F11R: variants seen among roughly 807,000 people sequenced by gnomAD.
F11R encodes F11 receptor.
In F11R, 27 loss-of-function variants were observed where a neutral mutation model predicts 39.3. The ratio of observed to expected loss-of-function variants is 0.69; its 90% CI spans 0.51 to 0.95. The LOEUF (loss-of-function observed/expected upper bound fraction) is 0.95. F11R is among the 40% of genes least tolerant of loss of function. F11R has a pLI of 0.00. For synonymous variants in F11R, 131 were observed against 144.9 expected (o/e 0.90, Z 0.69); for missense variants, 335 against 372.7 (o/e 0.90, Z 0.83).
intron 1 of F11R, among the ~76,000 whole-genome samples, chr1:161,007,028 G>A (rs899084815): frequency 2.8e-4 from 43 of 152,224 alleles, no homozygotes; most frequent in African/African-American, 9.6e-4. Flanking sequence ...AAAATTAGCC[G>A]GGTGTGGTGG....
At chr1:161,014,565 A>G (rs886339083) in intron 1 of F11R, among the ~76,000 whole-genome samples, 1 of 152,244 alleles carries the variant, frequency 6.6e-6, no homozygotes, top group African/African-American at 2.4e-5. Context: ...TTAGCCAGGT[A>G]TGGCTCACCA....
At chr1:161,016,910 G>C (rs1449931693) in intron 1 of F11R, among the ~76,000 whole-genome samples, 2 of 152,176 alleles carry the variant, frequency 1.3e-5, no homozygotes, top group Admixed American at 6.5e-5. Flanking sequence ...ACTCCATTTT[G>C]TTCTGTACTA....
intron 1 of F11R, among the ~76,000 whole-genome samples, chr1:161,011,406 A>T (rs988083378): frequency 6.6e-6 from 1 of 152,224 alleles, no homozygotes. Flanking sequence ...TAAGTAAATT[A>T]TGATATAGCC....
At chr1:161,010,973 TAAAAAAA>T (rs747869704) in intron 1 of F11R, among the ~76,000 whole-genome samples, 2 of 111,156 alleles carry the variant, frequency 1.8e-5, no homozygotes, top group African/African-American at 3.3e-5. Context: ...GACTCCATCT[TAAAAAAA>T]AAAAAAAAAA....
intron 1 of F11R, among the ~76,000 whole-genome samples, chr1:161,001,966 C>G: frequency 6.6e-6 from 1 of 152,066 alleles, no homozygotes; most frequent in Non-Finnish European, 1.5e-5. Flanking sequence ...GTAAATGTGC[C>G]TAAGATCACA....
At chr1:161,015,086 A>AG (rs1353437460) in intron 1 of F11R, among the ~76,000 whole-genome samples, 2 of 146,076 alleles carry the variant, frequency 1.4e-5, no homozygotes, top group East Asian at 4.1e-4. Flanking sequence ...TCAAAAAAAA[A>AG]AAATTAAATT....
chr1:161,003,893 T>C (rs1247307111), intron 1 of F11R, among the ~76,000 whole-genome samples: 1 of 151,850 alleles, frequency 6.6e-6, no homozygotes, highest in Non-Finnish European at 1.5e-5. Context: ...GCCTCCCTAG[T>C]AGCTAGGATT....
intron 1 of F11R, among the ~76,000 whole-genome samples, chr1:161,015,407 A>AAAATAT (rs571469825): frequency 2.2e-5 from 3 of 136,136 alleles, no homozygotes; most frequent in Non-Finnish European, 4.7e-5. Context: ...CAAAAAAAAA[A>AAAATAT]ATATATATAT....
At chr1:161,017,118 CAAAA>C (rs1649506593) in intron 1 of F11R, among the ~76,000 whole-genome samples, 1 of 152,066 alleles carries the variant, frequency 6.6e-6, no homozygotes, top group Non-Finnish European at 1.5e-5. Flanking sequence ...TACCCAGGGA[CAAAA>C]ACACTGCGGA....
At chr1:161,019,154 G>T (rs12401336) in intron 1 of F11R, among the ~76,000 whole-genome samples, 7 of 151,872 alleles carry the variant, frequency 4.6e-5, no homozygotes, top group African/African-American at 1.7e-4. Context: ...ACAGTACAAA[G>T]GTTGGAAAAA....
intron 1 of F11R, among the ~76,000 whole-genome samples, chr1:161,010,242 G>A (rs1452004560): frequency 3.3e-5 from 5 of 151,914 alleles, no homozygotes; most frequent in Middle Eastern, 3.4e-3. Context: ...TCAGGAGTTC[G>A]AGACTAGCCT....
At chr1:161,008,569 T>A (rs147371711) in intron 1 of F11R, among the ~76,000 whole-genome samples, 41 of 152,232 alleles carry the variant, frequency 2.7e-4, no homozygotes, top group African/African-American at 9.6e-4. Context: ...ATTGAGCACA[T>A]ACTATATTTG....
intron 1 of F11R, among the ~76,000 whole-genome samples, chr1:161,020,216 G>C (rs1182222899): frequency 6.6e-6 from 1 of 152,146 alleles, no homozygotes; most frequent in Non-Finnish European, 1.5e-5. Flanking sequence ...AGGAAAGGGA[G>C]TTTACAAAGG....
Position 161,003,760 on chromosome 1 carries a change from GTAT to G in F11R, c.65-2410_65-2408del, listed in dbSNP as rs1271873461. Among the ~76,000 whole-genome samples, 12 of 151,490 alleles carry G rather than the reference GTAT, an allele frequency of 7.9e-5. No homozygotes were observed. The South Asian group carries it at 2.3e-3, about 29-fold the overall frequency. ...CCTAGCTAGTTCTAACTAGTTTTTTGTATTATTATTATTATTTTTTTAAGATGG... is the reference window on the plus strand; with the variant it reads ...CCTAGCTAGTTCTAACTAGTTTTTTGTATTATTATTATTTTTTTAAGATGG... On this transcript the variant is annotated intron_variant, in intron 1 of 9. Coordinates refer to ENST00000368026, the MANE Select transcript of F11R (RefSeq NM_016946.6).
chr1:160,998,432 C>G lies in F11R; in HGVS notation c.*439G>C, dbSNP rs1557888317. 3 of 217,446 alleles carry G rather than the reference C, an allele frequency of 1.4e-5. No individual in the cohort carries two copies. The highest frequency in any genetic ancestry group is 1.8e-5 in the Non-Finnish European group (2 of 108,808). 13.5% of individuals were successfully genotyped at this position (217,446 alleles called of 1,614,324 possible). On this transcript the variant is annotated 3_prime_UTR_variant, in exon 10 of 10. Coordinates refer to ENST00000368026, the MANE Select transcript of F11R (RefSeq NM_016946.6). The stretch of plus-strand genomic sequence containing the variant: ...TTTCAGCCGCTCTAGCCTCTAATTC[C>G]CGCTCTAGAACAGCTGGCCCTGGTC...
chr1:161,014,077 T>A (rs1649314613), intron 1 of F11R, among the ~76,000 whole-genome samples: 1 of 152,190 alleles, frequency 6.6e-6, no homozygotes, highest in Admixed American at 6.5e-5. Context: ...TCTCACAGTA[T>A]GTGTTCACTC....
At chr1:161,002,261 CAA>C (rs34007325) in intron 1 of F11R, among the ~76,000 whole-genome samples, 2,388 of 68,542 alleles carry the variant, frequency 0.035, 45 homozygotes, top group African/African-American at 0.13. Context: ...GACTCAATCT[CAA>C]AAAAAAAAAA....
At chr1:161,005,920 CCT>C (rs1648775818) in intron 1 of F11R, among the ~76,000 whole-genome samples, 1 of 152,080 alleles carries the variant, frequency 6.6e-6, no homozygotes, top group Non-Finnish European at 1.5e-5. Flanking sequence ...GGGCAGGTCA[CCT>C]GAGGTCAGGA....
intron 1 of F11R, among the ~76,000 whole-genome samples, chr1:161,017,959 A>G (rs1333811276): frequency 6.6e-6 from 1 of 152,182 alleles, no homozygotes; most frequent in Non-Finnish European, 1.5e-5. Flanking sequence ...TTCAGTGATG[A>G]TACCACACTC....
Sources: gnomAD v4.1 joint callset for allele counts (sites outside exome capture counted in the v4.1 genomes callset) on GRCh38, gnomAD v4.1.1 for gene constraint, MANE v1.5 for transcripts, NCBI Gene and HGNC (gene_info 2026-07-23, HGNC 2026-07-21) for gene names.